Variants in ALPK1 observed in about 807,000 individuals in gnomAD.
ALPK1 encodes alpha-protein kinase 1.
ALPK1 carries 110 observed loss-of-function variants against 120.6 expected under a neutral mutation model. That is an observed-to-expected ratio of 0.91 (90% CI 0.78 to 1.07). The LOEUF is 1.07. Among genes scored for constraint, ALPK1 ranks in the 50% least tolerant of loss-of-function variants. ALPK1 has a pLI of 0.00. For missense variants in ALPK1, 1,498 were observed against 1,483.9 expected, an observed-to-expected ratio of 1.01 and a Z score of -0.16; for synonymous variants, 582 against 560.3, an observed-to-expected ratio of 1.04 and a Z score of -0.55.
chr4:112,438,644 CT>C lies in ALPK1; in HGVS notation c.3350del (p.Leu1117ArgfsTer3). On this transcript the variant is annotated frameshift_variant and splice_region_variant, in exon 13 of 16. Transcript: ENST00000650871. LOFTEE classifies it high-confidence loss of function. Reference sequence around the variant, plus strand: ...ATTCTACATCCCATCCACAATACTACTGGTAAGATTATCCTGAACACATCAT... The same window carrying C: ...ATTCTACATCCCATCCACAATACTACGGTAAGATTATCCTGAACACATCAT... The part of the protein sequence containing the change: ...QIFYIPSTIL[L>X]ILEDKTIKGC... 6.2e-7 allele frequency: 1 copy of C among 1,612,972 alleles called. No individual in the cohort carries two copies. The highest frequency in any genetic ancestry group is 1.1e-5 in the South Asian group (1 of 90,970).
At chr4:112,359,343 T>C (rs1320901947) in intron 2 of ALPK1, 5 of 392,320 alleles carry the variant, frequency 1.3e-5, no homozygotes, top group Non-Finnish European at 2.4e-5. Flanking sequence ...GCTGACAGCC[T>C]ACAAGCAGGA....
At chr4:112,420,032 T>C (rs1490163268) in intron 5 of ALPK1, among the ~76,000 whole-genome samples, 1 of 152,184 alleles carries the variant, frequency 6.6e-6, no homozygotes, top group Non-Finnish European at 1.5e-5. Context: ...CTTAGCACAG[T>C]CCCTGGCACA....
chr4:112,434,255 G>A lies in ALPK1; in HGVS notation c.3035-893G>A, dbSNP rs17628408. ...CTTTTCTTCTCTCAATTTATCACCC[G>A]TCCTGTGTGTGGACAGACAACTCAC... On this transcript the variant is annotated intron_variant, in intron 11 of 15. Coordinates refer to ENST00000650871, the MANE Select transcript of ALPK1 (RefSeq NM_025144.4). Among the ~76,000 whole-genome samples the A allele has an allele frequency of 9.0e-3, 1,374 of 152,162 alleles. 21 individuals are homozygous for A. The highest frequency in any genetic ancestry group is 0.069 in the East Asian group (359 of 5,170).
At chr4:112,379,066 T>G (rs1463245933) in intron 3 of ALPK1, among the ~76,000 whole-genome samples, 9 of 152,202 alleles carry the variant, frequency 5.9e-5, no homozygotes. Flanking sequence ...CTGGCCCTAG[T>G]TCTCCCCAGG....
intron 4 of ALPK1, among the ~76,000 whole-genome samples, chr4:112,392,269 G>C (rs973246863): frequency 6.6e-6 from 1 of 151,942 alleles, no homozygotes. Flanking sequence ...TCCACCCCCA[G>C]CGATCACCAT....
chr4:112,307,070 T>A (rs370123463), intron 1 of ALPK1, among the ~76,000 whole-genome samples: 3 of 152,092 alleles, frequency 2.0e-5, no homozygotes, highest in African/African-American at 7.3e-5. Flanking sequence ...TTTGAGTGAG[T>A]TTCTTAATCC....
At position 112,336,264 on chromosome 4, in the gene ALPK1, G is replaced by T. The variant is rs146307250; in HGVS notation, c.-101+20412G>T. Among the ~76,000 whole-genome samples, 867 of 152,316 alleles carry T rather than the reference G, an allele frequency of 5.7e-3. 8 individuals are homozygous for T. Among genetic ancestry groups the T allele is most frequent in the African/African-American group, 0.02 (830 of 41,566 alleles). ...CAAATGAGCAGCCACACACAGTGGA[G>T]ATAGGTGAGGAAGTACCCTGGGCAA... On this transcript the variant is annotated intron_variant, in intron 2 of 15. Coordinates refer to ENST00000650871, the MANE Select transcript of ALPK1 (RefSeq NM_025144.4).
intron 2 of ALPK1, among the ~76,000 whole-genome samples, chr4:112,316,771 T>C (rs188455946): frequency 1.3e-3 from 193 of 152,306 alleles, no homozygotes; most frequent in Non-Finnish European, 2.3e-3. Context: ...GTATATCTTC[T>C]TTGGAGAAAT....
chr4:112,362,506 C>A (rs1730958433), intron 2 of ALPK1, among the ~76,000 whole-genome samples: 1 of 151,984 alleles, frequency 6.6e-6, no homozygotes, highest in South Asian at 2.1e-4. Flanking sequence ...AAACACAAGG[C>A]TTTCAAATTA....
At chr4:112,436,820 G>A (rs1462218457) in intron 12 of ALPK1, among the ~76,000 whole-genome samples, 1 of 152,148 alleles carries the variant, frequency 6.6e-6, no homozygotes, top group African/African-American at 2.4e-5. Flanking sequence ...ATACACCAGA[G>A]TATACCATAG....
intron 2 of ALPK1, among the ~76,000 whole-genome samples, chr4:112,319,095 C>T (rs996503252): frequency 1.1e-4 from 16 of 152,140 alleles, no homozygotes; most frequent in Admixed American, 8.5e-4. Context: ...AGAATGGGAA[C>T]TGGGAAAGAG....
chr4:112,357,563 T>C (rs1730692989), intron 2 of ALPK1: 10 of 1,328,488 alleles, frequency 7.5e-6, no homozygotes, highest in Non-Finnish European at 9.7e-6. Context: ...AGTGGCACAC[T>C]GGCCCCCGGG....
chr4:112,357,153 C>A, intron 2 of ALPK1: 1 of 1,467,970 alleles, frequency 6.8e-7, no homozygotes, highest in Non-Finnish European at 9.4e-7. Flanking sequence ...AGCGGTGTCA[C>A]CAAGCCAGGG....
intron 2 of ALPK1, among the ~76,000 whole-genome samples, chr4:112,362,060 C>A (rs950923862): frequency 6.6e-6 from 1 of 152,214 alleles, no homozygotes; most frequent in Non-Finnish European, 1.5e-5. Context: ...ATCAAGGGAG[C>A]ACCTATGGGA....
In ALPK1 at chr4:112,438,605, A is replaced by G; in HGVS notation, c.3310A>G (p.Ile1104Val). 1.2e-6 allele frequency: 2 copies of G among 1,613,904 alleles called. No individual in the cohort carries two copies. Among genetic ancestry groups the G allele is most frequent in the Non-Finnish European group, 1.7e-6 (2 of 1,179,804 alleles). Residue 1104 changes from isoleucine to valine, a missense_variant, in exon 13 of 16, where the codon ATT (isoleucine) becomes GTT (valine). Physicochemically the swap from Ile to Val is conservative, Grantham distance 29. Coordinates refer to ENST00000650871, the MANE Select transcript of ALPK1 (RefSeq NM_025144.4). ...TAACAAGAGACTCTATGAACAAAAC[A>G]TTCCCACCCAGATATTCTACATCCC... ...EFNKRLYEQN[I>V]PTQIFYIPST... is the part of the protein sequence containing the mutation.
chr4:112,357,005 G>A, intron 2 of ALPK1: 1 of 783,076 alleles, frequency 1.3e-6, no homozygotes, highest in Non-Finnish European at 2.3e-6. Flanking sequence ...GGCACAGCAG[G>A]GCCAGCCCCA....
At chr4:112,333,343 G>T (rs1428477600) in intron 2 of ALPK1, among the ~76,000 whole-genome samples, 1 of 152,112 alleles carries the variant, frequency 6.6e-6, no homozygotes, top group Non-Finnish European at 1.5e-5. Context: ...AGTGATGTGT[G>T]CTTTCTCACT....
intron 14 of ALPK1, 69 bp downstream of exon 14, chr4:112,439,941 C>A (rs1176041087): frequency 9.8e-6 from 13 of 1,331,876 alleles, no homozygotes; most frequent in Non-Finnish European, 1.2e-5. Flanking sequence ...TAACTAGCTT[C>A]CCTAATCTTT....
chr4:112,333,362 T>C (rs544978249), intron 2 of ALPK1, among the ~76,000 whole-genome samples: 104 of 152,372 alleles, frequency 6.8e-4, no homozygotes, highest in African/African-American at 2.4e-3. Context: ...CTAATATGTT[T>C]TGTAATGCCT....
Sources: gnomAD v4.1 joint callset for allele counts (sites outside exome capture counted in the v4.1 genomes callset) on GRCh38, gnomAD v4.1.1 for gene constraint, MANE v1.5 for transcripts, NCBI Gene and HGNC (gene_info 2026-07-23, HGNC 2026-07-21) for gene names.